SPRY3: variants seen among roughly 807,000 people sequenced by gnomAD.
SPRY3 encodes the protein sprouty RTK signaling antagonist 3.
A neutral mutation model predicts 20.2 loss-of-function variants in SPRY3; 15 were observed. The ratio of observed to expected loss-of-function variants is 0.74; its 90% CI spans 0.50 to 1.14. The LOEUF (loss-of-function observed/expected upper bound fraction) is 1.14, where lower values mean the gene tolerates loss of function less well. SPRY3 is among the 50% of genes most tolerant of loss of function. SPRY3 has a pLI of 0.00. For synonymous variants in SPRY3, 143 were observed against 136.5 expected, an observed-to-expected ratio of 1.05 and a Z score of -0.33; for missense variants, 364 against 363.9, an observed-to-expected ratio of 1.00 and a Z score of 0.00.
At chrX:155,675,650 T>C (rs782108062) in intron 2 of SPRY3, among the ~76,000 whole-genome samples, 5 of 111,690 alleles carry the variant, frequency 4.5e-5, no homozygotes, top group East Asian at 5.7e-4. Context: ...GTGGGAAAGG[T>C]ATAGCTGGCC....
chrX:155,667,823 C>T (rs1288084165), intron 2 of SPRY3, among the ~76,000 whole-genome samples: 1 of 111,185 alleles, frequency 9.0e-6, no homozygotes, highest in East Asian at 2.8e-4. Flanking sequence ...AGATATTTCA[C>T]AAAAGATGGT....
At chrX:155,729,916 A>G (rs2091122451) in intron 2 of SPRY3, among the ~76,000 whole-genome samples, 2 of 152,170 alleles carry the variant, frequency 1.3e-5, no homozygotes, top group Non-Finnish European at 2.9e-5. Flanking sequence ...AATAGTGGCT[A>G]CTATGAGCAA....
chrX:155,728,649 T>C (rs1184681996), intron 2 of SPRY3, among the ~76,000 whole-genome samples: 4 of 152,218 alleles, frequency 2.6e-5, no homozygotes, highest in East Asian at 1.9e-4. Flanking sequence ...GGTCTGCCAG[T>C]TGCTAAGACC....
chrX:155,777,442 G>A (rs1034709650), downstream of SPRY3: 2 of 166,492 alleles, frequency 1.2e-5, no homozygotes, highest in African/African-American at 2.4e-5. Flanking sequence ...TTTCTAAATG[G>A]CCTTACACTT....
chrX:155,634,104 G>A (rs1268463458), intron 1 of SPRY3, among the ~76,000 whole-genome samples: 1 of 110,000 alleles, frequency 9.1e-6, no homozygotes, highest in African/African-American at 3.3e-5. Flanking sequence ...AGAATCTATC[G>A]CTTCGGTGAA....
At chrX:155,747,040 A>G (rs989492791) in intron 2 of SPRY3, among the ~76,000 whole-genome samples, 34 of 152,042 alleles carry the variant, frequency 2.2e-4, no homozygotes, top group African/African-American at 7.7e-4. Context: ...TGACCTCAGT[A>G]TTACATCCTT....
chrX:155,753,047 A>T (rs306895), intron 2 of SPRY3, among the ~76,000 whole-genome samples: 74,940 of 151,564 alleles, frequency 0.49, 17,817 homozygotes, highest in South Asian at 0.56. Flanking sequence ...GTCTGTTTGC[A>T]TGAGGACTAA....
intron 1 of SPRY3, among the ~76,000 whole-genome samples, chrX:155,651,292 C>T (rs781821951): frequency 1.8e-5 from 2 of 110,473 alleles, no homozygotes; most frequent in East Asian, 2.8e-4. Flanking sequence ...CTCTTGGTCT[C>T]GAGTGATCTG....
chrX:155,760,973 GA>G (rs2091301897), intron 2 of SPRY3, among the ~76,000 whole-genome samples: 1 of 152,022 alleles, frequency 6.6e-6, no homozygotes, highest in Non-Finnish European at 1.5e-5. Flanking sequence ...CTCTAATATT[GA>G]ATGCTTTTAA....
At chrX:155,645,452 C>T (rs1050445138) in intron 1 of SPRY3, among the ~76,000 whole-genome samples, 1 of 111,953 alleles carries the variant, frequency 8.9e-6, no homozygotes, top group East Asian at 2.8e-4. Context: ...AGCACTTCAG[C>T]CCATGCTGGT....
chrX:155,751,513 T>A (rs2091261891), intron 2 of SPRY3, among the ~76,000 whole-genome samples: 1 of 151,884 alleles, frequency 6.6e-6, no homozygotes, highest in Admixed American at 6.6e-5. Context: ...TGTCAGGGCA[T>A]CTTACTGGTA....
chrX:155,636,540 C>A (rs1233969625), intron 1 of SPRY3, among the ~76,000 whole-genome samples: 2 of 98,365 alleles, frequency 2.0e-5, no homozygotes, highest in East Asian at 6.8e-4. Flanking sequence ...ATGAGACAGT[C>A]TCTTCCTTGT....
At chrX:155,618,820 T>G (rs1557349137) in intron 1 of SPRY3, among the ~76,000 whole-genome samples, 1 of 112,205 alleles carries the variant, frequency 8.9e-6, no homozygotes, top group East Asian at 2.8e-4. Context: ...TTTCATGTGC[T>G]TATTTTCTAT....
chrX:155,665,482 A>G, intron 2 of SPRY3, among the ~76,000 whole-genome samples: 1 of 111,383 alleles, frequency 9.0e-6, no homozygotes, highest in Non-Finnish European at 1.9e-5. Context: ...GAAAAAAGCT[A>G]GCATGGTTCA....
At chrX:155,758,274 C>T (rs1396331554) in intron 2 of SPRY3, among the ~76,000 whole-genome samples, 3 of 152,116 alleles carry the variant, frequency 2.0e-5, no homozygotes, top group East Asian at 3.8e-4. Context: ...TATATTCAAA[C>T]TTACTGTGTC....
chrX:155,685,949 AGT>A (rs1208452974), intron 2 of SPRY3, among the ~76,000 whole-genome samples: 5 of 110,474 alleles, frequency 4.5e-5, no homozygotes, highest in African/African-American at 1.7e-4. Context: ...TGTATTCTTT[AGT>A]AGAGACGGGG....
intron 3 of SPRY3, 116 bp from the exon 3 acceptor site, chrX:155,773,650 A>G: frequency 1.7e-6 from 1 of 590,696 alleles, no homozygotes. Flanking sequence ...TAGCATGAAG[A>G]TTACTGTAAA....
chrX:155,682,874 G>A (rs2068077772), intron 2 of SPRY3, among the ~76,000 whole-genome samples: 1 of 111,919 alleles, frequency 8.9e-6, no homozygotes, highest in African/African-American at 3.3e-5. Flanking sequence ...ATGAGTTGAA[G>A]TCAAAATATT....
At chrX:155,743,295 C>G (rs1401170075) in intron 2 of SPRY3, among the ~76,000 whole-genome samples, 3 of 152,050 alleles carry the variant, frequency 2.0e-5, no homozygotes, top group African/African-American at 7.2e-5. Context: ...TGTCAGAGAT[C>G]TAGGGGAATT....
Sources: allele counts gnomAD v4.1 joint callset (sites outside exome capture counted in the v4.1 genomes callset), GRCh38; gene constraint gnomAD v4.1.1; transcripts MANE v1.5; gene names NCBI Gene and HGNC (gene_info 2026-07-23, HGNC 2026-07-21).